SYT16: variants seen among roughly 807,000 people sequenced by gnomAD.
SYT16 encodes the protein synaptotagmin-16.
SYT16 carries 42 observed loss-of-function variants against 61.4 expected under a neutral mutation model. That is an observed-to-expected ratio of 0.68 (90% confidence interval 0.53 to 0.89). The LOEUF (loss-of-function observed/expected upper bound fraction) is 0.89, where lower values mean the gene tolerates loss of function less well. Among genes scored for constraint, SYT16 ranks in the 40% least tolerant of loss-of-function variants. The pLI is 0.00. For synonymous variants in SYT16, 314 were observed against 302.3 expected, an observed-to-expected ratio of 1.04 and a Z score of -0.40; for missense variants, 804 against 807.3, an observed-to-expected ratio of 1.00 and a Z score of 0.05.
chr14:61,951,064 G>A (rs770328960), intron 1 of SYT16, among the ~76,000 whole-genome samples: 15 of 152,178 alleles, frequency 9.9e-5, no homozygotes, highest in Non-Finnish European at 1.6e-4. Context: ...GGACACTAAC[G>A]CTAGATAATT....
At chr14:62,025,502 T>C (rs2054068355) in intron 3 of SYT16, among the ~76,000 whole-genome samples, 1 of 152,162 alleles carries the variant, frequency 6.6e-6, no homozygotes, top group South Asian at 2.1e-4. Flanking sequence ...AAACAATCGT[T>C]TATCAGATAT....
intron 3 of SYT16, among the ~76,000 whole-genome samples, chr14:62,016,302 C>A (rs936695688): frequency 6.6e-6 from 1 of 152,074 alleles, no homozygotes; most frequent in Admixed American, 6.5e-5. Flanking sequence ...GTTATACATA[C>A]CAGAGAGGCA....
At chr14:62,049,691 G>T (rs1202796103) in intron 3 of SYT16, among the ~76,000 whole-genome samples, 1 of 152,142 alleles carries the variant, frequency 6.6e-6, no homozygotes, top group Non-Finnish European at 1.5e-5. Context: ...AAATCTCTCA[G>T]CATTTGCTTG....
intron 1 of SYT16, among the ~76,000 whole-genome samples, chr14:61,893,154 A>ATT (rs2048200447): frequency 6.6e-6 from 1 of 152,212 alleles, no homozygotes; most frequent in Admixed American, 6.5e-5. Context: ...AGATACTGGG[A>ATT]AACTTCGTGT....
At chr14:61,985,587 T>C (rs574126215) in intron 2 of SYT16, among the ~76,000 whole-genome samples, 1 of 152,266 alleles carries the variant, frequency 6.6e-6, no homozygotes, top group Non-Finnish European at 1.5e-5. Context: ...GCGCTCTTCA[T>C]AGAAGTGAAA....
chr14:61,880,064 C>G (rs2047643251), intron 1 of SYT16, among the ~76,000 whole-genome samples: 1 of 152,244 alleles, frequency 6.6e-6, no homozygotes, highest in Admixed American at 6.5e-5. Flanking sequence ...CCATTTCCCA[C>G]CTCTGTCTGC....
At chr14:62,056,978 G>A (rs780918585) in intron 3 of SYT16, among the ~76,000 whole-genome samples, 7 of 152,150 alleles carry the variant, frequency 4.6e-5, no homozygotes, top group East Asian at 1.9e-4. Context: ...GACGTGTTCC[G>A]AAACGTGAGC....
chr14:62,001,468 A>G (rs1443898269), intron 3 of SYT16, among the ~76,000 whole-genome samples: 1 of 152,008 alleles, frequency 6.6e-6, no homozygotes, highest in Non-Finnish European at 1.5e-5. Context: ...TGCATGTAAT[A>G]TGTGTTTCTT....
intron 1 of SYT16, among the ~76,000 whole-genome samples, chr14:61,866,752 A>T (rs1214368049): frequency 1.3e-5 from 2 of 152,070 alleles, no homozygotes; most frequent in Non-Finnish European, 2.9e-5. Flanking sequence ...AAGAGTAAAA[A>T]TTTTAAATTT....
chr14:62,035,635 A>C (rs1241959223), intron 3 of SYT16, among the ~76,000 whole-genome samples: 1 of 152,184 alleles, frequency 6.6e-6, no homozygotes. Context: ...GTGTTGTTCC[A>C]CGCATTGCTT....
At chr14:62,076,928 C>G (rs1383717970) in intron 5 of SYT16, among the ~76,000 whole-genome samples, 2 of 152,188 alleles carry the variant, frequency 1.3e-5, no homozygotes, top group African/African-American at 4.8e-5. Context: ...TAAATGTTCT[C>G]AGACTCCAAA....
At position 62,106,939 on chromosome 14, in the gene SYT16, C is replaced by A. The variant is rs1335180716; in HGVS notation, c.*6232C>A. 1 of 152,144 alleles carries A rather than the reference C, an allele frequency of 6.6e-6. No homozygotes were observed. The highest frequency in any genetic ancestry group is 2.4e-5 in the African/African-American group (1 of 41,430). The allele number at this position is 152,144 out of a possible 1,614,324, so 9.4% of individuals were successfully genotyped here. A position where few individuals can be genotyped will look rare whatever the true frequency, so the allele number is the denominator to read the frequency against. On this transcript the variant is annotated 3_prime_UTR_variant, in exon 8 of 8. Transcript: ENST00000683842. ...AACTGCTTTCCATTGCTCACTAATG[C>A]TGCCTTAAGGTTTCTTCATGGGAAT...
At chr14:61,965,045 G>T (rs1176858064) in intron 1 of SYT16, among the ~76,000 whole-genome samples, 1 of 152,068 alleles carries the variant, frequency 6.6e-6, no homozygotes, top group Non-Finnish European at 1.5e-5. Context: ...TGTGTGACTT[G>T]CTTTGTTGTG....
chr14:61,875,568 A>G (rs1234574935), intron 1 of SYT16, among the ~76,000 whole-genome samples: 1 of 152,198 alleles, frequency 6.6e-6, no homozygotes, highest in Non-Finnish European at 1.5e-5. Context: ...CAGCAAATGA[A>G]TTGTTTAAAA....
chr14:62,091,145 G>A (rs2057058611), intron 7 of SYT16, among the ~76,000 whole-genome samples: 1 of 152,078 alleles, frequency 6.6e-6, no homozygotes, highest in African/African-American at 2.4e-5. Flanking sequence ...ACCTATAGAG[G>A]AATCACAGTA....
intron 1 of SYT16, among the ~76,000 whole-genome samples, chr14:61,847,854 T>G (rs532097241): frequency 6.6e-6 from 1 of 152,346 alleles, no homozygotes; most frequent in South Asian, 2.1e-4. Flanking sequence ...TCTAATGCAT[T>G]CTTCAGTATG....
chr14:61,859,491 C>T (rs1307571861), intron 1 of SYT16, among the ~76,000 whole-genome samples: 5 of 151,994 alleles, frequency 3.3e-5, no homozygotes, highest in African/African-American at 7.3e-5. Flanking sequence ...CCGGCACATC[C>T]ACAGCCAGCC....
Position 62,111,439 on chromosome 14 carries a change from C to A in SYT16, c.*10732C>A, listed in dbSNP as rs1470050145. The A allele has an allele frequency of 6.6e-6, 1 of 151,892 alleles. No homozygotes were observed. The highest frequency in any genetic ancestry group is 2.4e-5 in the African/African-American group (1 of 41,284). 9.4% of individuals were successfully genotyped at this position (151,892 alleles called of 1,614,324 possible). A position where few individuals can be genotyped will look rare whatever the true frequency, so the allele number is the denominator to read the frequency against. On this transcript the variant is annotated 3_prime_UTR_variant, in exon 8 of 8. Coordinates refer to ENST00000683842, the MANE Select transcript of SYT16 (RefSeq NM_001367656.1). Reference sequence around the variant, plus strand: ...ATTGTAAACATGTACTTTTTCTATTCTATGCTTACTTTAATACATTATTTA... The same window carrying A: ...ATTGTAAACATGTACTTTTTCTATTATATGCTTACTTTAATACATTATTTA...
intron 1 of SYT16, among the ~76,000 whole-genome samples, chr14:61,894,551 A>G (rs759720854): frequency 7.2e-5 from 11 of 152,234 alleles, no homozygotes; most frequent in Non-Finnish European, 1.3e-4. Flanking sequence ...GAAGGTGAAC[A>G]GATGGTATAT....
Sources: allele counts gnomAD v4.1 joint callset (sites outside exome capture counted in the v4.1 genomes callset), GRCh38; gene constraint gnomAD v4.1.1; transcripts MANE v1.5; gene names NCBI Gene and HGNC (gene_info 2026-07-23, HGNC 2026-07-21).